Variants in MYH10 observed in about 807,000 individuals in gnomAD.
MYH10 encodes the protein myosin heavy chain 10, also known as myosin-10.
Under a neutral mutation model 257.8 loss-of-function variants are expected in MYH10, and 55 were observed. The ratio of observed to expected loss-of-function variants is 0.21; its 90% CI spans 0.17 to 0.27. The LOEUF (loss-of-function observed/expected upper bound fraction) is 0.27. Ranked by LOEUF, MYH10 falls within the 10% of genes least tolerant of loss-of-function variation. The pLI is 1.00. For synonymous variants in MYH10, 854 were observed against 921.7 expected (o/e 0.93, Z 1.33); for missense variants, 1,631 against 2,500.6 (o/e 0.65, Z 7.42).
chr17:8,509,929 G>A lies in MYH10; in HGVS notation c.2973C>T (p.Asp991=), dbSNP rs139264814. The change falls in exon 25 of 43, where the codon GAC becomes GAT. Residue 991 remains aspartate (D), a synonymous_variant. Transcript: ENST00000360416. The part of the protein sequence containing the change: ...AHIQDLEEQL[D]EEEGARQKLQ... ...GCTTTTGCCGAGCCCCTTCCTCCTC[G>A]TCTAGCTGTTCTTCCAGGTCCTTGT... 1.2e-5 allele frequency: 19 copies of A among 1,611,306 alleles called. No individual in the cohort carries two copies. The highest frequency in any genetic ancestry group is 1.6e-4 in the Middle Eastern group (1 of 6,078).
chr17:8,561,399 TG>T, intron 7 of MYH10: 1 of 1,042,804 alleles, frequency 9.6e-7, no homozygotes, highest in Non-Finnish European at 1.5e-6. Context: ...CTGAAGCAAG[TG>T]TCTTCGATGC....
At chr17:8,607,484 T>C (rs576851347) in intron 2 of MYH10, among the ~76,000 whole-genome samples, 2 of 152,344 alleles carry the variant, frequency 1.3e-5, no homozygotes, top group Admixed American at 6.5e-5. Context: ...CAGTATCCCA[T>C]GCTTGCCAAA....
intron 35 of MYH10, among the ~76,000 whole-genome samples, chr17:8,489,745 A>ACACACACACC (rs1258993754): frequency 6.6e-5 from 10 of 150,796 alleles, no homozygotes; most frequent in African/African-American, 1.7e-4. Context: ...ACACACACAC[A>ACACACACACC]CCCCAAATCC....
At chr17:8,585,351 T>C (rs536006189) in intron 4 of MYH10, among the ~76,000 whole-genome samples, 1 of 144,622 alleles carries the variant, frequency 6.9e-6, no homozygotes, top group Admixed American at 7.0e-5. Context: ...AGTTTTTTAA[T>C]AAGAGAAAAG....
rs191086005 is a variant in MYH10, at chr17:8,478,358, C to T, written c.5686G>A (p.Ala1896Thr). 35 of 1,614,206 alleles carry T rather than the reference C, an allele frequency of 2.2e-5. No individual in the cohort carries two copies. Among genetic ancestry groups the T allele is most frequent in the Admixed American group, 5.0e-5 (3 of 60,034 alleles). ...FMQVEDERRH[A>T]DQYKEQMEKA... is the part of the protein sequence containing the mutation. ...CGTACCTGCTCTTTATACTGGTCCG[C>T]GTGTCGACGCTCATCCTCAACCTGC... Residue 1896 changes from alanine to threonine, a missense_variant, in exon 41 of 43, where the codon GCG becomes ACG. Around this residue, in one of 11 missense-constraint regions of MYH10, gnomAD observed 343 missense variants for 389.5 expected, o/e 0.88. Coordinates refer to ENST00000360416, the MANE Select transcript of MYH10 (RefSeq NM_001256012.3).
intron 4 of MYH10, among the ~76,000 whole-genome samples, chr17:8,580,238 T>C (rs575378963): frequency 6.6e-6 from 1 of 152,170 alleles, no homozygotes; most frequent in Admixed American, 6.5e-5. Flanking sequence ...ACCATCATCC[T>C]TCTTTTTGAA....
intron 4 of MYH10, among the ~76,000 whole-genome samples, chr17:8,577,703 T>C (rs1490098701): frequency 1.3e-5 from 2 of 152,144 alleles, no homozygotes; most frequent in East Asian, 1.9e-4. Context: ...GGCTAATTCT[T>C]ATATTTTTAG....
intron 35 of MYH10, among the ~76,000 whole-genome samples, chr17:8,489,393 A>G (rs1425918429): frequency 6.6e-6 from 1 of 152,128 alleles, no homozygotes; most frequent in Non-Finnish European, 1.5e-5. Flanking sequence ...AAATAACAAA[A>G]TAAAGCAAAA....
chr17:8,500,816 C>A lies in MYH10; in HGVS notation c.3744+10G>T, dbSNP rs1917405053. On this transcript the variant is annotated intron_variant, in intron 29 of 42. Coordinates refer to ENST00000360416, the MANE Select transcript of MYH10 (RefSeq NM_001256012.3). Reference sequence around the variant, plus strand: ...CTCCAGGCCACAGCACACGGCAGGGCCTCCCTTACCCGCTTGGCCTGTTCC... The same window carrying A: ...CTCCAGGCCACAGCACACGGCAGGGACTCCCTTACCCGCTTGGCCTGTTCC... 3 of 1,610,490 alleles carry A rather than the reference C, an allele frequency of 1.9e-6. No homozygotes were observed. Among genetic ancestry groups the A allele is most frequent in the Non-Finnish European group, 2.5e-6 (3 of 1,179,356 alleles).
intron 4 of MYH10, among the ~76,000 whole-genome samples, chr17:8,585,305 T>TATATATATATATATATATATATAG (rs1280592767): frequency 1.4e-5 from 2 of 143,654 alleles, no homozygotes; most frequent in East Asian, 4.1e-4. Context: ...TATATATATA[T>TATATATATATATATATATATATAG]AGCTACATAT....
intron 14 of MYH10, among the ~76,000 whole-genome samples, chr17:8,536,839 A>G (rs1355101751): frequency 6.6e-6 from 1 of 150,624 alleles, no homozygotes; most frequent in African/African-American, 2.4e-5. Flanking sequence ...ATAGAGACAG[A>G]GGGTAGATTA....
At chr17:8,503,933 G>A (rs913665503) in intron 28 of MYH10, among the ~76,000 whole-genome samples, 1 of 152,114 alleles carries the variant, frequency 6.6e-6, no homozygotes, top group Non-Finnish European at 1.5e-5. Flanking sequence ...GGGAGCAGAT[G>A]GCCTCTGCCA....
intron 17 of MYH10, among the ~76,000 whole-genome samples, chr17:8,522,002 G>A (rs574116446): frequency 6.6e-6 from 1 of 152,252 alleles, no homozygotes; most frequent in African/African-American, 2.4e-5. Flanking sequence ...TACAGCAACC[G>A]ATAGTTTTAC....
At chr17:8,617,483 T>C (rs2085311505) in intron 2 of MYH10, among the ~76,000 whole-genome samples, 1 of 152,322 alleles carries the variant, frequency 6.6e-6, no homozygotes, top group Admixed American at 6.5e-5. Flanking sequence ...TACCCTTTAT[T>C]AAACTCTCAA....
intron 7 of MYH10, among the ~76,000 whole-genome samples, chr17:8,560,183 G>A (rs748249170): frequency 4.0e-5 from 6 of 151,858 alleles, no homozygotes; most frequent in Non-Finnish European, 7.4e-5. Context: ...TTTCAACTCC[G>A]AATACTATTT....
intron 7 of MYH10, among the ~76,000 whole-genome samples, chr17:8,568,227 C>T (rs1597850677): frequency 6.6e-6 from 1 of 152,262 alleles, no homozygotes; most frequent in South Asian, 2.1e-4. Flanking sequence ...TCAGAAGAAA[C>T]CAATCCTGCC....
In MYH10 at chr17:8,559,980, C is replaced by G. The variant is rs999076692; in HGVS notation, c.757-5962G>C. Among the ~76,000 whole-genome samples the G allele has an allele frequency of 3.9e-5, 6 of 152,280 alleles. No individual in the cohort carries two copies. In the East Asian group the frequency reaches 1.2e-3, roughly 29 times the overall value. On this transcript the variant is annotated intron_variant, in intron 7 of 42. Coordinates refer to ENST00000360416, the MANE Select transcript of MYH10 (RefSeq NM_001256012.3). ...GCCAACGTGACTGCCTGGGCAAATG[C>G]GTTCTCAAACTTCTCATTTTAATTC...
Position 8,552,567 on chromosome 17 carries a change from G to A in MYH10, c.821-423C>T, listed in dbSNP as rs1019394294. On this transcript the variant is annotated intron_variant, in intron 8 of 42. Coordinates refer to ENST00000360416, the MANE Select transcript of MYH10 (RefSeq NM_001256012.3). The surrounding 1 kb of genome is among the most constrained non-coding windows in gnomAD (Gnocchi z 4.8). ...CAATTTTATAAATAAGGAAGCCATG[G>A]TATAAGGAAATTAGTCAAAATAATA... 6.6e-6 allele frequency among the ~76,000 whole-genome samples: 1 copy of A among 152,162 alleles called. No individual in the cohort carries two copies. Among genetic ancestry groups the A allele is most frequent in the Non-Finnish European group, 1.5e-5 (1 of 68,030 alleles).
chr17:8,597,678 A>G (rs1010690898), intron 3 of MYH10, among the ~76,000 whole-genome samples: 12 of 150,284 alleles, frequency 8.0e-5, no homozygotes, highest in African/African-American at 2.9e-4. Flanking sequence ...CAATGGTGCA[A>G]TCTCAGCTCA....
Sources: allele counts gnomAD v4.1 joint callset (sites outside exome capture counted in the v4.1 genomes callset), GRCh38; gene constraint gnomAD v4.1.1; regional missense constraint gnomAD v4.1.1; non-coding constraint Gnocchi (gnomAD v3.1); transcripts MANE v1.5; gene names NCBI Gene and HGNC (gene_info 2026-07-23, HGNC 2026-07-21).